The following TBC1D22A variants were observed in gnomAD, a reference collection of about 807,000 sequenced individuals.
The protein encoded by TBC1D22A is putative GTPase activator.
A neutral mutation model predicts 60.2 loss-of-function variants in TBC1D22A; 38 were observed. That is an observed-to-expected ratio of 0.63 (90% confidence interval 0.49 to 0.83). TBC1D22A has a LOEUF of 0.83. TBC1D22A is among the 40% of genes least tolerant of loss of function. The probability of loss-of-function intolerance (pLI) is 0.00; values close to 1 mark genes in which losing one functional copy is unlikely to be tolerated. For synonymous variants in TBC1D22A, 302 were observed against 281.7 expected (o/e 1.07, Z -0.72); for missense variants, 628 against 701.0 (o/e 0.90, Z 1.18).
intron 11 of TBC1D22A, among the ~76,000 whole-genome samples, chr22:47,108,475 A>T (rs2065721900): frequency 6.6e-6 from 1 of 152,334 alleles, no homozygotes; most frequent in Non-Finnish European, 1.5e-5. Context: ...GATTCCCTTT[A>T]TTTGAAAATA....
At chr22:46,909,579 C>G (rs2069751607) in intron 7 of TBC1D22A, among the ~76,000 whole-genome samples, 2 of 152,334 alleles carry the variant, frequency 1.3e-5, no homozygotes, top group African/African-American at 4.8e-5. Flanking sequence ...AGAGTTTCCC[C>G]ATTTCTTCCT....
At chr22:46,796,691 C>T (rs2084668554) in intron 3 of TBC1D22A, among the ~76,000 whole-genome samples, 1 of 143,076 alleles carries the variant, frequency 7.0e-6, no homozygotes, top group Non-Finnish European at 1.5e-5. Context: ...TCCCCCTGGG[C>T]CTGTCCGTCT....
chr22:46,890,834 G>T (rs2068359840), intron 5 of TBC1D22A, among the ~76,000 whole-genome samples: 1 of 152,180 alleles, frequency 6.6e-6, no homozygotes, highest in South Asian at 2.1e-4. Flanking sequence ...ATATGTGTGT[G>T]TGTGCGTGGG....
At chr22:46,954,011 C>G (rs950623592) in intron 8 of TBC1D22A, among the ~76,000 whole-genome samples, 1 of 152,222 alleles carries the variant, frequency 6.6e-6, no homozygotes, top group African/African-American at 2.4e-5. Flanking sequence ...CAGAGACAGT[C>G]TGCATCTTAA....
At chr22:47,166,188 G>A (rs1376453550) in intron 12 of TBC1D22A, among the ~76,000 whole-genome samples, 1 of 152,234 alleles carries the variant, frequency 6.6e-6, no homozygotes, top group East Asian at 1.9e-4. Flanking sequence ...GAGCCTTCCG[G>A]TATCTTCAGT....
Position 47,009,902 on chromosome 22 carries a change from G to T in TBC1D22A, c.1201+12193G>T, listed in dbSNP as rs2061707244. 6.6e-6 allele frequency among the ~76,000 whole-genome samples: 1 copy of T among 152,272 alleles called. No individual in the cohort carries two copies. Among genetic ancestry groups the T allele is most frequent in the Non-Finnish European group, 1.5e-5 (1 of 68,052 alleles). On this transcript the variant is annotated intron_variant, in intron 10 of 12. Coordinates refer to ENST00000337137, the MANE Select transcript of TBC1D22A (RefSeq NM_014346.5). This position sits in a 1 kb window ranked among gnomAD's most constrained non-coding sequence, Gnocchi z 5.8. ...GGCAGCCTCTTCTGTCCAGCCCCCA[G>T]GGAGGTTGGTTGGAGTGGAAGACAC...
rs140825303 is a variant in TBC1D22A at position 46,976,765 on chromosome 22, C to T, written c.1125+2366C>T. Among the ~76,000 whole-genome samples, 700 of 152,316 alleles carry T rather than the reference C, an allele frequency of 4.6e-3. 13 individuals are homozygous for T. The highest frequency in any genetic ancestry group is 0.016 in the African/African-American group (672 of 41,564). ...GGTTTTCTGAAGTGCAGGCTCTCAG[C>T]CCGGCCTCCACCAGTTGTTCCCAGC... On this transcript the variant is annotated intron_variant, in intron 9 of 12. Coordinates refer to ENST00000337137, the MANE Select transcript of TBC1D22A (RefSeq NM_014346.5).
chr22:46,786,000 T>C (rs1271893305), intron 1 of TBC1D22A, among the ~76,000 whole-genome samples: 2 of 152,232 alleles, frequency 1.3e-5, no homozygotes, highest in Non-Finnish European at 2.9e-5. Flanking sequence ...CAGACTGGTC[T>C]TTAACTCCTG....
chr22:46,836,644 A>G (rs1364283066), intron 4 of TBC1D22A, among the ~76,000 whole-genome samples: 1 of 152,152 alleles, frequency 6.6e-6, no homozygotes, highest in Non-Finnish European at 1.5e-5. Flanking sequence ...TAATTACTTT[A>G]AGTGTAAATG....
At chr22:46,862,193 G>A (rs1432312945) in intron 4 of TBC1D22A, among the ~76,000 whole-genome samples, 2 of 152,168 alleles carry the variant, frequency 1.3e-5, no homozygotes, top group Non-Finnish European at 2.9e-5. Context: ...GGAACCTGGC[G>A]CACAGTAGGT....
intron 10 of TBC1D22A, among the ~76,000 whole-genome samples, chr22:47,029,852 C>T (rs1331806327): frequency 2.0e-5 from 3 of 152,252 alleles, no homozygotes; most frequent in Non-Finnish European, 4.4e-5. Flanking sequence ...CTTGAGCTGT[C>T]AGCCCCAGAC....
Position 46,912,185 on chromosome 22 carries a change from A to G in TBC1D22A, c.1012A>G (p.Ile338Val), listed in dbSNP as rs371300371. 6 of 1,609,296 alleles carry G rather than the reference A, an allele frequency of 3.7e-6. No individual in the cohort carries two copies. In the African/African-American group the frequency reaches 4.0e-5, roughly 11 times the overall value. ...PFFVVFICEY[I>V]EAEEVDTVDV... ...CTTTGTGGTCTTCATTTGTGAATAC[A>G]TAGGTAAGATTTCTTGCAAACATTA... The change falls in exon 8 of 13, where the codon ATA (isoleucine) becomes GTA (valine). Residue 338 changes from isoleucine to valine, a missense_variant. Transcript: ENST00000337137.
At chr22:46,997,963 C>G (rs1007560397) in intron 10 of TBC1D22A, among the ~76,000 whole-genome samples, 1 of 152,164 alleles carries the variant, frequency 6.6e-6, no homozygotes, top group Admixed American at 6.5e-5. Context: ...GCAGTGCTCA[C>G]TCCTTATTAA....
chr22:46,901,806 C>T (rs536184351), intron 7 of TBC1D22A, among the ~76,000 whole-genome samples: 2 of 152,324 alleles, frequency 1.3e-5, no homozygotes, highest in Admixed American at 6.5e-5. Flanking sequence ...GAGGGCTGTA[C>T]ATCCCACAGG....
At chr22:46,853,810 G>C (rs2087419522) in intron 4 of TBC1D22A, among the ~76,000 whole-genome samples, 1 of 152,074 alleles carries the variant, frequency 6.6e-6, no homozygotes, top group Non-Finnish European at 1.5e-5. Flanking sequence ...TGGAGACTCA[G>C]CAGTGAGCAC....
chr22:47,021,386 G>C (rs1273097249), intron 10 of TBC1D22A, among the ~76,000 whole-genome samples: 1 of 150,224 alleles, frequency 6.7e-6, no homozygotes, highest in Non-Finnish European at 1.5e-5. Flanking sequence ...CCCTGAGCAG[G>C]GAACCTAGCA....
At chr22:47,034,399 G>C (rs902086419) in intron 10 of TBC1D22A, among the ~76,000 whole-genome samples, 3 of 152,212 alleles carry the variant, frequency 2.0e-5, no homozygotes, top group Non-Finnish European at 4.4e-5. Context: ...TAGAGTCTCT[G>C]ACATCCCACC....
intron 4 of TBC1D22A, among the ~76,000 whole-genome samples, chr22:46,823,046 G>A (rs906192703): frequency 5.3e-5 from 8 of 152,210 alleles, no homozygotes; most frequent in Admixed American, 2.6e-4. Context: ...GGTAACCTCT[G>A]CTGTCAGGAA....
At chr22:47,098,243 T>G (rs778428385) in intron 11 of TBC1D22A, among the ~76,000 whole-genome samples, 1 of 151,992 alleles carries the variant, frequency 6.6e-6, no homozygotes, top group South Asian at 2.1e-4. Flanking sequence ...CTAAGAAGAG[T>G]ATTTCTCCTT....
Sources: allele counts gnomAD v4.1 joint callset (sites outside exome capture counted in the v4.1 genomes callset), GRCh38; gene constraint gnomAD v4.1.1; non-coding constraint Gnocchi (gnomAD v3.1); transcripts MANE v1.5; gene names NCBI Gene and HGNC (gene_info 2026-07-23, HGNC 2026-07-21).